SLIT3: variants seen among roughly 807,000 people sequenced by gnomAD.
The protein encoded by SLIT3 is slit guidance ligand 3, also known as slit homolog 3 protein.
A neutral mutation model predicts 184.0 loss-of-function variants in SLIT3; 68 were observed. The observed-to-expected ratio is 0.37, with a 90% CI of 0.30 to 0.45. The LOEUF (loss-of-function observed/expected upper bound fraction) is 0.45, where lower values mean the gene tolerates loss of function less well. Among genes scored for constraint, SLIT3 ranks in the 20% least tolerant of loss-of-function variants. The probability of loss-of-function intolerance (pLI) is 1.00; values close to 1 mark genes in which losing one functional copy is unlikely to be tolerated. For synonymous variants in SLIT3, 831 were observed against 828.6 expected, an observed-to-expected ratio of 1.00 and a Z score of -0.05; for missense variants, 1,707 against 2,026.0, an observed-to-expected ratio of 0.84 and a Z score of 3.02.
chr5:168,797,252 T>C (rs1209119354), intron 9 of SLIT3, among the ~76,000 whole-genome samples: 2 of 152,014 alleles, frequency 1.3e-5, no homozygotes, highest in Non-Finnish European at 1.5e-5. Context: ...CAGCTGAGCA[T>C]AGAGTTCAGC....
chr5:168,953,770 C>T (rs1465836491), intron 4 of SLIT3, among the ~76,000 whole-genome samples: 1 of 152,216 alleles, frequency 6.6e-6, no homozygotes, highest in African/African-American at 2.4e-5. Context: ...CTCACCCACA[C>T]TCTCTTTTGG....
intron 13 of SLIT3, among the ~76,000 whole-genome samples, chr5:168,773,354 T>C (rs898265772): frequency 6.6e-6 from 1 of 152,180 alleles, no homozygotes; most frequent in East Asian, 1.9e-4. Context: ...GCCTGGCATA[T>C]GGTGGGTGTT....
chr5:169,032,502 G>T (rs969883717), intron 4 of SLIT3, among the ~76,000 whole-genome samples: 3 of 141,520 alleles, frequency 2.1e-5, no homozygotes, highest in Non-Finnish European at 4.5e-5. Flanking sequence ...TCACTTATGT[G>T]CCAGTCATTT....
At chr5:169,258,581 T>C (rs1766057883) in intron 1 of SLIT3, among the ~76,000 whole-genome samples, 1 of 152,222 alleles carries the variant, frequency 6.6e-6, no homozygotes, top group African/African-American at 2.4e-5. Context: ...CATGGTAATT[T>C]GGATTGTTTT....
intron 8 of SLIT3, among the ~76,000 whole-genome samples, chr5:168,808,083 G>T (rs1458117569): frequency 1.3e-5 from 2 of 152,174 alleles, no homozygotes; most frequent in Non-Finnish European, 2.9e-5. Context: ...TCATAGTGGG[G>T]ATGTTTGAGA....
intron 1 of SLIT3, among the ~76,000 whole-genome samples, chr5:169,287,992 A>T (rs543870274): frequency 1.3e-5 from 2 of 152,232 alleles, no homozygotes; most frequent in Non-Finnish European, 2.9e-5. Context: ...CCAAAGTACA[A>T]ATTTTATTCC....
At chr5:168,875,002 G>A (rs542379291) in intron 5 of SLIT3, among the ~76,000 whole-genome samples, 1 of 151,862 alleles carries the variant, frequency 6.6e-6, no homozygotes, top group South Asian at 2.1e-4. Flanking sequence ...ACAAGAGTAA[G>A]GGCTCAGTGG....
chr5:169,127,244 C>A (rs1290388449), intron 4 of SLIT3, among the ~76,000 whole-genome samples: 1 of 152,184 alleles, frequency 6.6e-6, no homozygotes, highest in Non-Finnish European at 1.5e-5. Context: ...CTCTCCAATG[C>A]AGAGAATGGT....
At chr5:168,944,247 T>C (rs1327290287) in intron 4 of SLIT3, among the ~76,000 whole-genome samples, 1 of 151,772 alleles carries the variant, frequency 6.6e-6, no homozygotes, top group Non-Finnish European at 1.5e-5. Flanking sequence ...CTAATACCAA[T>C]GGGGCGGGGA....
intron 5 of SLIT3, among the ~76,000 whole-genome samples, chr5:168,882,902 C>T (rs1466948): frequency 0.03 from 4,538 of 152,252 alleles, 96 homozygotes; most frequent in Non-Finnish European, 0.044. Flanking sequence ...GATATTTCTT[C>T]CTTTTGAACA....
chr5:168,947,759 T>A (rs937153906), intron 4 of SLIT3, among the ~76,000 whole-genome samples: 4 of 152,164 alleles, frequency 2.6e-5, no homozygotes, highest in African/African-American at 9.6e-5. Context: ...AAGGAGAGCC[T>A]GAAAGGTAGT....
At chr5:168,694,770 C>A (rs545076114) in intron 28 of SLIT3, among the ~76,000 whole-genome samples, 1 of 152,310 alleles carries the variant, frequency 6.6e-6, no homozygotes, top group Non-Finnish European at 1.5e-5. Context: ...AGGTGCCCAC[C>A]ACCATGCCCA....
At position 168,669,798 on chromosome 5, in the gene SLIT3, C is replaced by T. The variant is rs180813266; in HGVS notation, c.4321G>A (p.Glu1441Lys). 3.0e-5 allele frequency: 48 copies of T among 1,613,586 alleles called. No individual in the cohort carries two copies. The highest frequency in any genetic ancestry group is 1.8e-4 in the Middle Eastern group (1 of 5,602). Residue 1441 changes from glutamate (E) to lysine (K), a missense_variant, in exon 35 of 36, where the codon GAG (glutamate) becomes AAG (lysine). Physicochemically the swap from Glu to Lys is moderately conservative, Grantham distance 56. Around this residue, in one of 3 missense-constraint regions of SLIT3, gnomAD observed 387 missense variants for 477.9 expected, o/e 0.81. Transcript: ENST00000519560. ...GTAGACCCACCTTGTTGGCAGTGCT[C>T]GCCGCTAAAGCCGGGCTGGCACAGG... ...YCLCQPGFSG[E>K]HCQQENPCLG...
chr5:169,246,229 C>A (rs1765584739), intron 2 of SLIT3, among the ~76,000 whole-genome samples: 1 of 152,190 alleles, frequency 6.6e-6, no homozygotes, highest in Non-Finnish European at 1.5e-5. Context: ...CGAGGGTCCC[C>A]AGCCCCACAG....
At chr5:168,960,414 T>G (rs1408107926) in intron 4 of SLIT3, among the ~76,000 whole-genome samples, 1 of 152,240 alleles carries the variant, frequency 6.6e-6, no homozygotes, top group Non-Finnish European at 1.5e-5. Context: ...TGTGATTGGT[T>G]TCATTAATCA....
At chr5:169,107,925 C>T (rs763165290) in intron 4 of SLIT3, among the ~76,000 whole-genome samples, 12 of 152,216 alleles carry the variant, frequency 7.9e-5, no homozygotes, top group Admixed American at 2.6e-4. Context: ...CCTCGATGAT[C>T]GGGCTGAGAT....
At chr5:169,169,891 C>T (rs972331015) in intron 4 of SLIT3, among the ~76,000 whole-genome samples, 3 of 152,230 alleles carry the variant, frequency 2.0e-5, no homozygotes, top group Non-Finnish European at 2.9e-5. Context: ...CTGATCTTGA[C>T]TGTGTGATGC....
rs1031465707 is a variant in SLIT3 at position 169,096,767 on chromosome 5, T to C, written c.413+96712A>G. ...TCATTTAGTCCATTCAACATTCCTA[T>C]GTAGTAGTAGAATCCATACTCCCAC... On this transcript the variant is annotated intron_variant, in intron 4 of 35. Coordinates refer to ENST00000519560, the MANE Select transcript of SLIT3 (RefSeq NM_003062.4). Among the ~76,000 whole-genome samples the C allele has an allele frequency of 1.2e-4, 18 of 152,338 alleles. 1 individual carries two copies. Among genetic ancestry groups the C allele is most frequent in the Admixed American group, 5.2e-4 (8 of 15,302 alleles).
intron 5 of SLIT3, among the ~76,000 whole-genome samples, chr5:168,856,683 A>G (rs1005335244): frequency 2.6e-5 from 4 of 151,892 alleles, no homozygotes; most frequent in African/African-American, 9.7e-5. Flanking sequence ...TTTCCACACC[A>G]CTGCTCCTCC....
Sources: allele counts gnomAD v4.1 joint callset (sites outside exome capture counted in the v4.1 genomes callset), GRCh38; gene constraint gnomAD v4.1.1; regional missense constraint gnomAD v4.1.1; transcripts MANE v1.5; gene names NCBI Gene and HGNC (gene_info 2026-07-23, HGNC 2026-07-21).